The following RPS6KA2 variants were observed in gnomAD, a reference collection of about 807,000 sequenced individuals.
The protein encoded by RPS6KA2 is ribosomal protein S6 kinase alpha-2.
RPS6KA2 carries 42 observed loss-of-function variants against 91.8 expected under a neutral mutation model. The observed-to-expected ratio is 0.46, with a 90% confidence interval of 0.36 to 0.59. The LOEUF (loss-of-function observed/expected upper bound fraction) is 0.59. Among genes scored for constraint, RPS6KA2 ranks in the 20% least tolerant of loss-of-function variants. RPS6KA2 has a pLI of 0.00. For synonymous variants in RPS6KA2, 414 were observed against 393.6 expected (o/e 1.05, Z -0.61); for missense variants, 798 against 978.5 (o/e 0.82, Z 2.46).
intron 2 of RPS6KA2, among the ~76,000 whole-genome samples, chr6:166,837,906 G>T (rs1212944722): frequency 6.6e-6 from 1 of 152,248 alleles, no homozygotes; most frequent in Non-Finnish European, 1.5e-5. Flanking sequence ...ATCTTCTACG[G>T]AATGAAAATA....
At position 166,702,214 on chromosome 6, in the gene RPS6KA2, T is replaced by C. The variant is rs191920736; in HGVS notation, c.123+155986A>G. 564 of 1,609,754 alleles carry C rather than the reference T, an allele frequency of 3.5e-4. 1 individual carries two copies. In the African/African-American group the frequency reaches 5.4e-3, roughly 15 times the overall value. ...CTTTTCCTATAATGGCTCCAACAAA[T>C]TGGGTGGGAACCAGCAGGCACAGAG... On this transcript the variant is annotated intron_variant, in intron 2 of 21. Coordinates refer to the RPS6KA2 transcript ENST00000503859.
Position 166,641,077 on chromosome 6 carries a change from CAGGCAG to C in RPS6KA2, c.124-102299_124-102294del, listed in dbSNP as rs537897981. On this transcript the variant is annotated intron_variant, in intron 2 of 21. Coordinates refer to the RPS6KA2 transcript ENST00000503859. ...TCCAGATTGGTAGCACCCAGAGGAC[CAGGCAG>C]AGGCAAATGTAAGTACAATCAGGAG... Among the ~76,000 whole-genome samples the C allele has an allele frequency of 2.2e-4, 33 of 152,252 alleles. No individual in the cohort carries two copies. In the East Asian group the frequency reaches 5.8e-3, roughly 27 times the overall value.
chr6:166,544,379 GCGAGCTCCATCTGCGGCACGA>G (rs1783757808), intron 1 of RPS6KA2, among the ~76,000 whole-genome samples: 2 of 152,170 alleles, frequency 1.3e-5, no homozygotes, highest in Non-Finnish European at 2.9e-5. Context: ...CCCCCGGAGA[GCGAGCTCCATCTGCGGCACGA>G]CTCCTGATAG....
intron 1 of RPS6KA2, among the ~76,000 whole-genome samples, chr6:166,599,256 A>G (rs1785647006): frequency 6.6e-6 from 1 of 152,244 alleles, no homozygotes. Flanking sequence ...GGAAGCAGTG[A>G]TCAACAATAA....
intron 1 of RPS6KA2, among the ~76,000 whole-genome samples, chr6:166,621,873 C>T (rs1029042533): frequency 1.3e-5 from 2 of 152,152 alleles, no homozygotes; most frequent in Non-Finnish European, 2.9e-5. Flanking sequence ...CTCTTTCCTC[C>T]CCTTCCCCTT....
At chr6:166,688,291 G>A (rs1170863808) in intron 2 of RPS6KA2, among the ~76,000 whole-genome samples, 1 of 152,122 alleles carries the variant, frequency 6.6e-6, no homozygotes, top group African/African-American at 2.4e-5. Flanking sequence ...GGGGGAACTT[G>A]AAAAAGACAC....
intron 2 of RPS6KA2, among the ~76,000 whole-genome samples, chr6:166,835,260 T>C (rs938825557): frequency 6.6e-6 from 1 of 152,190 alleles, no homozygotes; most frequent in Non-Finnish European, 1.5e-5. Flanking sequence ...TTTCGCAAAG[T>C]TCTTTGGGTT....
Position 166,494,847 on chromosome 6 carries a change from G to A in RPS6KA2, c.747+3661C>T, listed in dbSNP as rs1781729786. Among the ~76,000 whole-genome samples the A allele has an allele frequency of 6.6e-6, 1 of 152,186 alleles. No individual in the cohort carries two copies. The highest frequency in any genetic ancestry group is 2.1e-4 in the South Asian group (1 of 4,826). On this transcript the variant is annotated intron_variant, in intron 8 of 20. Coordinates refer to ENST00000265678, the MANE Select transcript of RPS6KA2 (RefSeq NM_021135.6). The surrounding 1 kb of genome is among the most constrained non-coding windows in gnomAD (Gnocchi z 5.1). ...CATGAGGACCACTCCCTCAGCACGC[G>A]GCCTCCAGGGTCTCAGCCTTCTTTT...
intron 1 of RPS6KA2, among the ~76,000 whole-genome samples, chr6:166,578,191 G>A (rs952693340): frequency 6.6e-6 from 1 of 152,162 alleles, no homozygotes; most frequent in Non-Finnish European, 1.5e-5. Flanking sequence ...TTGGAACCCA[G>A]GTTTCCTGAC....
intron 2 of RPS6KA2, among the ~76,000 whole-genome samples, chr6:166,802,731 C>T (rs1403113591): frequency 1.3e-5 from 2 of 152,140 alleles, no homozygotes; most frequent in Non-Finnish European, 2.9e-5. Flanking sequence ...GCCAATTCCT[C>T]GGACGAAACT....
chr6:166,673,413 CCAGT>C (rs1357999604), intron 2 of RPS6KA2, among the ~76,000 whole-genome samples: 1 of 152,184 alleles, frequency 6.6e-6, no homozygotes, highest in Non-Finnish European at 1.5e-5. Flanking sequence ...GTCTGGCTGC[CCAGT>C]CAGTCAACAA....
Position 166,518,444 on chromosome 6 carries a change from T to C in RPS6KA2, c.299-8087A>G, listed in dbSNP as rs188011439. The stretch of plus-strand genomic sequence containing the variant: ...AAATTAAAAGGCAAACAAAAAAATA[T>C]GATTATCTTAAACAAGCAGAAAAAA... On this transcript the variant is annotated intron_variant, in intron 3 of 20. Transcript: ENST00000265678. Among the ~76,000 whole-genome samples, 6 of 151,860 alleles carry C rather than the reference T, an allele frequency of 4.0e-5. No individual in the cohort carries two copies. The East Asian group carries it at 9.7e-4, about 24-fold the overall frequency.
rs924925593 is a variant in RPS6KA2, at chr6:166,732,414, G to A, written c.123+125786C>T. Reference sequence around the variant, plus strand: ...TTGGAGAGAGCTGGGTCACCAAGCCGCACAGCCCAGGCCTTGATATTTGCC... The same window carrying A: ...TTGGAGAGAGCTGGGTCACCAAGCCACACAGCCCAGGCCTTGATATTTGCC... On this transcript the variant is annotated intron_variant, in intron 2 of 21. Coordinates refer to the RPS6KA2 transcript ENST00000503859. This position sits in a 1 kb window ranked among gnomAD's most constrained non-coding sequence, Gnocchi z 4.0. 1.3e-5 allele frequency among the ~76,000 whole-genome samples: 2 copies of A among 152,206 alleles called. No individual in the cohort carries two copies. The highest frequency in any genetic ancestry group is 2.4e-5 in the African/African-American group (1 of 41,456).
chr6:166,535,743 A>T (rs1021992594), intron 2 of RPS6KA2, among the ~76,000 whole-genome samples: 10 of 152,178 alleles, frequency 6.6e-5, no homozygotes, highest in Non-Finnish European at 1.2e-4. Flanking sequence ...TGCTTTCCTG[A>T]TTCAAGCTTT....
At chr6:166,534,980 C>T (rs548089758) in intron 2 of RPS6KA2, among the ~76,000 whole-genome samples, 108 of 152,314 alleles carry the variant, frequency 7.1e-4, no homozygotes, top group South Asian at 5.0e-3. Flanking sequence ...CCTTGGGTGC[C>T]GTGCAGTTCC....
At chr6:166,608,350 T>C (rs1786030196) in intron 1 of RPS6KA2, among the ~76,000 whole-genome samples, 1 of 152,174 alleles carries the variant, frequency 6.6e-6, no homozygotes, top group African/African-American at 2.4e-5. Context: ...ATTTGTATGG[T>C]AGTAACCAAT....
At chr6:166,526,899 C>T (rs570749039) in intron 3 of RPS6KA2, among the ~76,000 whole-genome samples, 6 of 152,364 alleles carry the variant, frequency 3.9e-5, no homozygotes, top group East Asian at 1.9e-4. Context: ...ACACACCTCA[C>T]TACTGCTCAA....
rs897233215 is a variant in RPS6KA2 at position 166,852,089 on chromosome 6, C to T, written c.123+6111G>A. Among the ~76,000 whole-genome samples the T allele has an allele frequency of 4.6e-5, 7 of 152,212 alleles. No individual in the cohort carries two copies. Among genetic ancestry groups the T allele is most frequent in the African/African-American group, 1.4e-4 (6 of 41,454 alleles). ...CCTGCAGTGGCTTAGCCGCATCACC[C>T]GCTTTCCAGGAGGCATGATGCTTAC... On this transcript the variant is annotated intron_variant, in intron 2 of 21. Transcript: ENST00000503859. The surrounding 1 kb of genome is among the most constrained non-coding windows in gnomAD (Gnocchi z 4.1).
chr6:166,628,349 C>T (rs985831681), upstream of RPS6KA2, among the ~76,000 whole-genome samples: 2 of 152,210 alleles, frequency 1.3e-5, no homozygotes, highest in Non-Finnish European at 2.9e-5. Context: ...AAACCGAGCC[C>T]ATTGACATAG....
Sources: gnomAD v4.1 joint callset for allele counts (sites outside exome capture counted in the v4.1 genomes callset) on GRCh38, gnomAD v4.1.1 for gene constraint, Gnocchi (gnomAD v3.1) non-coding constraint, MANE v1.5 for transcripts, NCBI Gene and HGNC (gene_info 2026-07-23, HGNC 2026-07-21) for gene names.